AFG2B: variants seen among roughly 807,000 people sequenced by gnomAD.
AFG2B encodes the protein ATPase family gene 2 protein homolog B.
the AFG2B span, chr15:45,402,566 C>T: frequency 6.3e-7 from 1 of 1,581,388 alleles, no homozygotes; most frequent in Non-Finnish European, 8.6e-7. Flanking sequence ...TTGGGCTCGG[C>T]AGTGAAGATC....
chr15:45,415,769 A>G, the AFG2B span: 1 of 1,613,742 alleles, frequency 6.2e-7, no homozygotes, highest in East Asian at 2.2e-5. Flanking sequence ...GAAGTAAATC[A>G]AGTCAACAGG....
chr15:45,410,608 G>C, the AFG2B span: 1 of 1,346,656 alleles, frequency 7.4e-7, no homozygotes, highest in South Asian at 1.5e-5. Context: ...AACATACTGC[G>C]CTGAAACTGC....
At chr15:45,407,272 G>T in the AFG2B span, 2 of 1,163,586 alleles carry the variant, frequency 1.7e-6, no homozygotes, top group Non-Finnish European at 2.2e-6. Context: ...AGGGGCTGCT[G>T]CTACCTCTCC....
chr15:45,410,395 T>G, the AFG2B span: 1 of 1,613,768 alleles, frequency 6.2e-7, no homozygotes, highest in Non-Finnish European at 8.5e-7. Context: ...CTGTGATTGA[T>G]GAAATAGACT....
chr15:45,418,251 G>A, the AFG2B span, among the ~76,000 whole-genome samples: 3 of 151,436 alleles, frequency 2.0e-5, no homozygotes, highest in African/African-American at 7.3e-5. Context: ...GGCTGAGACA[G>A]GAGAATCACT....
the AFG2B span, chr15:45,414,770 T>A: frequency 6.2e-7 from 1 of 1,613,838 alleles, no homozygotes; most frequent in Non-Finnish European, 8.5e-7. Flanking sequence ...TCAGAAAAAG[T>A]GTTGTCTCAG....
the AFG2B span, chr15:45,410,410 T>C: frequency 6.2e-7 from 1 of 1,613,766 alleles, no homozygotes; most frequent in Admixed American, 1.7e-5. Flanking sequence ...TAGACTTCCT[T>C]GAAGCTTTTA....
At chr15:45,415,620 A>G in the AFG2B span, 7 of 1,614,094 alleles carry the variant, frequency 4.3e-6, no homozygotes, top group South Asian at 4.4e-5. Context: ...CACTCCAGCA[A>G]TTTTGTTTTT....
chr15:45,410,390 A>G, the AFG2B span: 1 of 1,613,664 alleles, frequency 6.2e-7, no homozygotes, highest in Non-Finnish European at 8.5e-7. Context: ...CAATCCTGTG[A>G]TTGATGAAAT....
chr15:45,410,737 C>G, the AFG2B span, among the ~76,000 whole-genome samples: 1 of 152,120 alleles, frequency 6.6e-6, no homozygotes, highest in African/African-American at 2.4e-5. Flanking sequence ...CACCTCGACC[C>G]TCTCTTTGTT....
the AFG2B span, among the ~76,000 whole-genome samples, chr15:45,416,467 C>A: frequency 6.6e-6 from 1 of 152,052 alleles, no homozygotes; most frequent in Non-Finnish European, 1.5e-5. Context: ...TTCTTTTATT[C>A]CTCTCTCGTT....
the AFG2B span, among the ~76,000 whole-genome samples, chr15:45,412,750 G>C: frequency 6.6e-6 from 1 of 152,120 alleles, no homozygotes; most frequent in Non-Finnish European, 1.5e-5. Flanking sequence ...ATGCAGTACA[G>C]GGACTGGTAA....
At chr15:45,417,060 AG>A in the AFG2B span, 1 of 491,978 alleles carries the variant, frequency 2.0e-6, no homozygotes, top group Non-Finnish European at 3.6e-6. Context: ...CTACTCCCTT[AG>A]CCATGCACAC....
chr15:45,415,511 A>C, the AFG2B span: 29 of 1,329,318 alleles, frequency 2.2e-5, no homozygotes, highest in Middle Eastern at 1.9e-4. Flanking sequence ...AAAAAAAAAA[A>C]ACAGGATTAT....
chr15:45,403,376 C>G, the AFG2B span: 1 of 1,610,756 alleles, frequency 6.2e-7, no homozygotes, highest in Non-Finnish European at 8.5e-7. Flanking sequence ...GGCAGTCGAG[C>G]ACCCGAGAGC....
chr15:45,406,959 T>C, the AFG2B span: 2 of 1,203,868 alleles, frequency 1.7e-6, no homozygotes, highest in South Asian at 2.5e-5. Flanking sequence ...TAGATGTCTT[T>C]TGAGGGAGAC....
chr15:45,419,488 T>TAG, the AFG2B span, among the ~76,000 whole-genome samples: 481 of 147,038 alleles, frequency 3.3e-3, 5 homozygotes, highest in African/African-American at 0.011. Context: ...GCTGAAGGAG[T>TAG]AGACAATGGC....
chr15:45,413,941 A>G, the AFG2B span, among the ~76,000 whole-genome samples: 1 of 152,192 alleles, frequency 6.6e-6, no homozygotes, highest in Admixed American at 6.5e-5. Context: ...GGACTCATTC[A>G]TTATTCGGTT....
At chr15:45,412,012 C>G in the AFG2B span, among the ~76,000 whole-genome samples, 78 of 151,794 alleles carry the variant, frequency 5.1e-4, 1 homozygote, top group Admixed American at 4.9e-3. Flanking sequence ...GCAGGAGAAT[C>G]GCTTGAACCC....
Sources: allele counts gnomAD v4.1 joint callset (sites outside exome capture counted in the v4.1 genomes callset), GRCh38; gene constraint gnomAD v4.1.1; transcripts MANE v1.5; gene names NCBI Gene and HGNC (gene_info 2026-07-23, HGNC 2026-07-21).